Variants in CDH13 observed in about 807,000 individuals in gnomAD.
CDH13 encodes the protein cadherin-13.
A neutral mutation model predicts 63.8 loss-of-function variants in CDH13; 24 were observed. The ratio of observed to expected loss-of-function variants is 0.38; its 90% CI spans 0.27 to 0.53. The LOEUF is 0.53. CDH13 is among the 20% of genes least tolerant of loss of function. CDH13 has a pLI of 0.85. For synonymous variants in CDH13, 503 were observed against 355.3 expected (o/e 1.42, Z -4.67); for missense variants, 1,049 against 903.1 (o/e 1.16, Z -2.07).
chr16:83,117,475 GC>G (rs1002962013), intron 3 of CDH13, among the ~76,000 whole-genome samples: 1 of 151,896 alleles, frequency 6.6e-6, no homozygotes, highest in African/African-American at 2.4e-5. Context: ...AGCACTTCCA[GC>G]CCTCCTCCCT....
At chr16:82,858,533 T>G (rs1232747430) in intron 2 of CDH13, 60 bp downstream of exon 2, 1 of 1,023,588 alleles carries the variant, frequency 9.8e-7, no homozygotes, top group Admixed American at 1.7e-5. Flanking sequence ...TTACTAATGT[T>G]TATGACTGTG....
chr16:83,753,998 C>T (rs1236545636), intron 11 of CDH13, among the ~76,000 whole-genome samples: 1 of 151,530 alleles, frequency 6.6e-6, no homozygotes, highest in African/African-American at 2.4e-5. Flanking sequence ...GAGAGTCAGG[C>T]TTGGCCCATG....
chr16:83,458,654 C>G (rs1195375763), intron 6 of CDH13, among the ~76,000 whole-genome samples: 1 of 152,160 alleles, frequency 6.6e-6, no homozygotes, highest in Non-Finnish European at 1.5e-5. Flanking sequence ...CCTTTTTCAG[C>G]CATCTTCCTG....
intron 2 of CDH13, among the ~76,000 whole-genome samples, chr16:82,981,053 G>A (rs1243771006): frequency 2.0e-5 from 3 of 152,042 alleles, no homozygotes; most frequent in Admixed American, 6.5e-5. Flanking sequence ...AGCCTCCTGC[G>A]ACTGGACTGC....
At chr16:83,172,658 C>T (rs535796066) in intron 4 of CDH13, among the ~76,000 whole-genome samples, 1 of 152,174 alleles carries the variant, frequency 6.6e-6, no homozygotes, top group South Asian at 2.1e-4. Context: ...TCAGAAGCAC[C>T]TTGATCTCAG....
Position 83,194,933 on chromosome 16 carries a change from C to A in CDH13, c.484-22412C>A, listed in dbSNP as rs187571665. Among the ~76,000 whole-genome samples, 4 of 152,218 alleles carry A rather than the reference C, an allele frequency of 2.6e-5. No homozygotes were observed. In the East Asian group the frequency reaches 7.7e-4, roughly 29 times the overall value. On this transcript the variant is annotated intron_variant, in intron 4 of 13. Transcript: ENST00000567109. ...CATTCTCCTGCTTTGACATACAAAC[C>A]CATAACACCATGAAATTTTAAAGCG...
At chr16:83,679,665 T>C (rs1915244647) in intron 10 of CDH13, among the ~76,000 whole-genome samples, 1 of 152,212 alleles carries the variant, frequency 6.6e-6, no homozygotes, top group African/African-American at 2.4e-5. Context: ...AAACATGCAA[T>C]TTAAACATCA....
At chr16:83,694,138 G>GA (rs1905153870) in intron 10 of CDH13, among the ~76,000 whole-genome samples, 2 of 152,306 alleles carry the variant, frequency 1.3e-5, no homozygotes, top group African/African-American at 2.4e-5. Flanking sequence ...AGACAGACTG[G>GA]AAAAAATGAG....
rs1039540170 is a variant in CDH13, at chr16:83,047,011, A to C, written c.366+14793A>C. ...TTTCCTCAACTGTCTATCTTTCTGC[A>C]GCAAATCCTTTGACAGAGAATGTGC... On this transcript the variant is annotated intron_variant, in intron 3 of 13. Transcript: ENST00000567109. This position sits in a 1 kb window ranked among gnomAD's most constrained non-coding sequence, Gnocchi z 4.9. Among the ~76,000 whole-genome samples, 56 of 152,200 alleles carry C rather than the reference A, an allele frequency of 3.7e-4. No individual in the cohort carries two copies. Among genetic ancestry groups the C allele is most frequent in the African/African-American group, 1.3e-3 (54 of 41,462 alleles).
At chr16:83,103,083 G>C (rs1184906278) in intron 3 of CDH13, among the ~76,000 whole-genome samples, 2 of 150,200 alleles carry the variant, frequency 1.3e-5, no homozygotes, top group Non-Finnish European at 3.0e-5. Context: ...TTCCGAAGTA[G>C]CTGGGATTAC....
At chr16:83,577,823 G>A (rs1257631114) in intron 7 of CDH13, among the ~76,000 whole-genome samples, 1 of 152,160 alleles carries the variant, frequency 6.6e-6, no homozygotes, top group Admixed American at 6.5e-5. Context: ...CGTGTTTACT[G>A]TAAGGAAAGG....
intron 6 of CDH13, among the ~76,000 whole-genome samples, chr16:83,353,652 G>A (rs912115862): frequency 2.0e-5 from 3 of 152,228 alleles, no homozygotes; most frequent in Non-Finnish European, 4.4e-5. Context: ...CTGGAGATCA[G>A]CTCAAGAGAT....
At chr16:83,292,926 G>T (rs899326093) in intron 5 of CDH13, among the ~76,000 whole-genome samples, 1 of 151,978 alleles carries the variant, frequency 6.6e-6, no homozygotes, top group Non-Finnish European at 1.5e-5. Context: ...ATATCTATTG[G>T]GTAATTATAT....
chr16:83,287,473 CA>C (rs111377983), intron 5 of CDH13, among the ~76,000 whole-genome samples: 3,173 of 152,246 alleles, frequency 0.021, 82 homozygotes, highest in African/African-American at 0.054. Flanking sequence ...CCTGTCAGAT[CA>C]GGGGCAGCAT....
Position 82,860,392 on chromosome 16 carries a change from G to GGA in CDH13, c.157+1920_157+1921insAG, listed in dbSNP as rs1555531227. Among the ~76,000 whole-genome samples the GGA allele has an allele frequency of 3.0e-5, 4 of 132,222 alleles. 1 individual carries two copies. The highest frequency in any genetic ancestry group is 1.1e-4 in the African/African-American group (4 of 35,914). The allele number at this position is 132,222 out of a possible 152,430, so 86.7% of individuals were successfully genotyped here. On this transcript the variant is annotated intron_variant, in intron 2 of 13. Transcript: ENST00000567109. ...TCACAGTTGTGTGTGTGTGTGTGGG[G>GGA]GGGGGGGCGGCGGTGTGCGTGTGTG... is the stretch of plus-strand genomic sequence containing the variant.
In CDH13 at chr16:83,056,359, A is replaced by G. The variant is rs566185928; in HGVS notation, c.366+24141A>G. On this transcript the variant is annotated intron_variant, in intron 3 of 13. Transcript: ENST00000567109. The stretch of plus-strand genomic sequence containing the variant: ...AAAGGCTCTTACAAGAAAGTCCAGA[A>G]TAACACTTTGTAATAGCTAAAAACT... Among the ~76,000 whole-genome samples the G allele has an allele frequency of 3.4e-3, 522 of 152,334 alleles. 6 individuals carry two copies. Among genetic ancestry groups the G allele is most frequent in the African/African-American group, 0.012 (493 of 41,576 alleles).
At chr16:83,476,314 G>C (rs574752853) in intron 6 of CDH13, among the ~76,000 whole-genome samples, 1 of 152,192 alleles carries the variant, frequency 6.6e-6, no homozygotes, top group East Asian at 1.9e-4. Flanking sequence ...ATGTTCCCTA[G>C]AGGGGCTAAA....
intron 4 of CDH13, among the ~76,000 whole-genome samples, chr16:83,171,285 G>C (rs913051023): frequency 6.6e-6 from 1 of 152,066 alleles, no homozygotes; most frequent in African/African-American, 2.4e-5. Context: ...TAAAGGACCA[G>C]ATCTTGTGAG....
chr16:83,393,004 G>T (rs905351400), intron 6 of CDH13, among the ~76,000 whole-genome samples: 12 of 152,088 alleles, frequency 7.9e-5, no homozygotes, highest in African/African-American at 2.9e-4. Flanking sequence ...TGGGTGCCCA[G>T]GCCTGGGAAT....
Sources: gnomAD v4.1 joint callset for allele counts (sites outside exome capture counted in the v4.1 genomes callset) on GRCh38, gnomAD v4.1.1 for gene constraint, Gnocchi (gnomAD v3.1) non-coding constraint, MANE v1.5 for transcripts, NCBI Gene and HGNC (gene_info 2026-07-23, HGNC 2026-07-21) for gene names.